Variants in ANKRD55 observed in about 807,000 individuals in gnomAD.
ANKRD55 encodes ankyrin repeat domain 55.
A neutral mutation model predicts 60.6 loss-of-function variants in ANKRD55; 41 were observed. The ratio of observed to expected loss-of-function variants is 0.68; its 90% CI spans 0.53 to 0.88. The LOEUF is 0.88. Among genes scored for constraint, ANKRD55 ranks in the 40% least tolerant of loss-of-function variants. ANKRD55 has a pLI of 0.00. For synonymous variants in ANKRD55, 264 were observed against 290.3 expected (o/e 0.91, Z 0.92); for missense variants, 732 against 767.6 (o/e 0.95, Z 0.55).
At position 56,174,488 on chromosome 5, in the gene ANKRD55, G is replaced by A. The variant is rs1758693019; in HGVS notation, c.312+1664C>T. Among the ~76,000 whole-genome samples the A allele has an allele frequency of 2.6e-5, 4 of 152,112 alleles. No homozygotes were observed. In the South Asian group the frequency reaches 8.3e-4, roughly 32 times the overall value. On this transcript the variant is annotated intron_variant, in intron 4 of 11. Coordinates refer to ENST00000341048, the MANE Select transcript of ANKRD55 (RefSeq NM_024669.3). ...CTTAAGGCATGTGCTAGAAGGGAGG[G>A]GGCTAGGAGGACAGCCATATGTCTG... is the stretch of plus-strand genomic sequence containing the variant.
intron 8 of ANKRD55, among the ~76,000 whole-genome samples, chr5:56,125,241 T>C (rs914151854): frequency 2.0e-5 from 3 of 152,148 alleles, no homozygotes; most frequent in Non-Finnish European, 4.4e-5. Context: ...TTGCTTAGGA[T>C]CAACATCTGC....
intron 2 of ANKRD55, among the ~76,000 whole-genome samples, chr5:56,225,382 G>T (rs1760084361): frequency 1.3e-5 from 2 of 152,188 alleles, no homozygotes; most frequent in African/African-American, 4.8e-5. Flanking sequence ...ATATCATACT[G>T]AATGGACAAA....
rs1461873576 is a variant in ANKRD55, at chr5:56,176,271, A to C, written c.193T>G (p.Leu65Val). 1 of 1,614,202 alleles carries C rather than the reference A, an allele frequency of 6.2e-7. No homozygotes were observed. The highest frequency in any genetic ancestry group is 1.7e-5 in the Admixed American group (1 of 60,022). Residue 65 changes from leucine (L) to valine (V), a missense_variant, in exon 4 of 12, where the codon TTG (leucine) becomes GTG (valine). By Grantham distance (32) the Leu-to-Val change is conservative. Coordinates refer to ENST00000341048, the MANE Select transcript of ANKRD55 (RefSeq NM_024669.3). The part of the protein sequence containing the change: ...ECCDSEGCTP[L>V]MHAVSGRQAD... ...TGACGTCCAGAAACCGCATGCATCA[A>C]GGGCGTGCATCCTGGAATGAGACAT...
In ANKRD55 at chr5:56,165,367, G is replaced by C. The variant is rs140208440; in HGVS notation, c.422+5327C>G. 2.8e-4 allele frequency among the ~76,000 whole-genome samples: 42 copies of C among 152,310 alleles called. 1 individual carries two copies. The highest frequency in any genetic ancestry group is 2.7e-3 in the Admixed American group (41 of 15,304). On this transcript the variant is annotated intron_variant, in intron 5 of 11. Transcript: ENST00000341048. The stretch of plus-strand genomic sequence containing the variant: ...TTTTTGTGGACCTGAGTGTGCTGAG[G>C]TGAAGAAGGCCAGGATGAGCACCAG...
rs1417128906 is a variant in ANKRD55, at chr5:56,176,264, T to C, written c.200A>G (p.His67Arg). The C allele has an allele frequency of 6.2e-7, 1 of 1,614,204 alleles. No homozygotes were observed. The highest frequency in any genetic ancestry group is 1.7e-5 in the Admixed American group (1 of 60,020). Residue 67 changes from histidine to arginine, a missense_variant, in exon 4 of 12, where the codon CAT becomes CGT. Physicochemically the swap from His to Arg is conservative, Grantham distance 29 (BLOSUM62 0). Transcript: ENST00000341048. ...GTCCGCTTGACGTCCAGAAACCGCA[T>C]GCATCAAGGGCGTGCATCCTGGAAT... Reference protein sequence around the residue: ...CDSEGCTPLMHAVSGRQADTV... With the variant: ...CDSEGCTPLMRAVSGRQADTV...
intron 6 of ANKRD55, among the ~76,000 whole-genome samples, chr5:56,152,665 A>T (rs1758085654): frequency 6.6e-6 from 1 of 152,232 alleles, no homozygotes; most frequent in Non-Finnish European, 1.5e-5. Context: ...AGCACAAAGG[A>T]CAATCTGACC....
intron 2 of ANKRD55, among the ~76,000 whole-genome samples, chr5:56,186,880 G>A (rs1758986378): frequency 6.6e-6 from 1 of 152,200 alleles, no homozygotes; most frequent in Non-Finnish European, 1.5e-5. Context: ...AAAGATGCTG[G>A]TGGTATCACT....
At position 56,111,785 on chromosome 5, in the gene ANKRD55, A is replaced by T; in HGVS notation, c.966-3T>A. On this transcript the variant is annotated splice_region_variant and splice_polypyrimidine_tract_variant and intron_variant, in intron 9 of 11. Transcript: ENST00000341048. ...GAGGGGGTCGAGTAGGCTCTGTTCT[A>T]TGCGAATATAAAAGAGCAGGGATGA... is the stretch of plus-strand genomic sequence containing the variant. 1.3e-6 allele frequency: 2 copies of T among 1,489,552 alleles called. No homozygotes were observed. The highest frequency in any genetic ancestry group is 1.8e-6 in the Non-Finnish European group (2 of 1,123,982). The allele number at this position is 1,489,552 out of a possible 1,614,324, so 92.3% of individuals were successfully genotyped here. A position where few individuals can be genotyped will look rare whatever the true frequency, so the allele number is the denominator to read the frequency against.
At chr5:56,147,724 T>C (rs1037278226) in intron 6 of ANKRD55, among the ~76,000 whole-genome samples, 1 of 152,194 alleles carries the variant, frequency 6.6e-6, no homozygotes, top group Non-Finnish European at 1.5e-5. Flanking sequence ...CGCTTTTTTT[T>C]CTTTTTCTTT....
chr5:56,109,479 G>A lies in ANKRD55; in HGVS notation c.1630+1639C>T, dbSNP rs150379208. Among the ~76,000 whole-genome samples, 123 of 151,696 alleles carry A rather than the reference G, an allele frequency of 8.1e-4. 2 individuals are homozygous for A. In the East Asian group the frequency reaches 0.019, roughly 24 times the overall value. On this transcript the variant is annotated intron_variant, in intron 10 of 11. Coordinates refer to ENST00000341048, the MANE Select transcript of ANKRD55 (RefSeq NM_024669.3). Reference sequence around the variant, plus strand: ...GGTACTGTGGCACCGAACAGGTTTCGGAAGCTGTTTTGCAGCCTCTGCTTT... The same window carrying A: ...GGTACTGTGGCACCGAACAGGTTTCAGAAGCTGTTTTGCAGCCTCTGCTTT...
intron 8 of ANKRD55, among the ~76,000 whole-genome samples, chr5:56,118,554 G>A (rs1756945924): frequency 6.6e-6 from 1 of 151,962 alleles, no homozygotes; most frequent in African/African-American, 2.4e-5. Flanking sequence ...AACCGGGGAG[G>A]CAGAGCTTGC....
intron 7 of ANKRD55, among the ~76,000 whole-genome samples, chr5:56,135,290 G>GCTTTCTTTCTTTCTTTCTTTCTTT (rs753607878): frequency 1.4e-5 from 1 of 69,302 alleles, no homozygotes; most frequent in Non-Finnish European, 3.0e-5. Context: ...CTGCCTGCCT[G>GCTTTCTTTCTTTCTTTCTTTCTTT]CTTGCTTTCT....
chr5:56,202,153 G>A (rs542421619), intron 2 of ANKRD55, among the ~76,000 whole-genome samples: 14 of 152,166 alleles, frequency 9.2e-5, no homozygotes, highest in Non-Finnish European at 1.8e-4. Flanking sequence ...AGAGGGGGTG[G>A]TGTGGGGAGA....
At chr5:56,205,047 C>T (rs1759466151) in intron 2 of ANKRD55, among the ~76,000 whole-genome samples, 1 of 144,416 alleles carries the variant, frequency 6.9e-6, no homozygotes, top group African/African-American at 2.8e-5. Context: ...AGAGTTTAGA[C>T]TTGTTTTCTT....
chr5:56,185,269 G>A (rs975860357), intron 2 of ANKRD55, among the ~76,000 whole-genome samples: 3 of 152,034 alleles, frequency 2.0e-5, no homozygotes, highest in South Asian at 4.2e-4. Context: ...AGTGGAGAAC[G>A]GGGAGGACTG....
chr5:56,232,535 ATAGT>A (rs1279710062), intron 2 of ANKRD55, among the ~76,000 whole-genome samples: 3 of 152,238 alleles, frequency 2.0e-5, no homozygotes, highest in East Asian at 3.8e-4. Context: ...ACTATCTGAA[ATAGT>A]TGGTGTGCTT....
chr5:56,147,469 G>T lies in ANKRD55; in HGVS notation c.484-3540C>A, dbSNP rs376433548. 3.3e-5 allele frequency among the ~76,000 whole-genome samples: 5 copies of T among 152,244 alleles called. No individual in the cohort carries two copies. The East Asian group carries it at 9.7e-4, about 29-fold the overall frequency. ...CTATATTTTTGTTTCATTTGGCATT[G>T]CCTCAAGGGTCCTCCTGAAAGTGCA... On this transcript the variant is annotated intron_variant, in intron 6 of 11. Coordinates refer to ENST00000341048, the MANE Select transcript of ANKRD55 (RefSeq NM_024669.3).
At chr5:56,193,405 T>A (rs1382935926) in intron 2 of ANKRD55, 4 of 612,570 alleles carry the variant, frequency 6.5e-6, no homozygotes, top group African/African-American at 5.6e-5. Context: ...CTTTTGGTAC[T>A]GGAATTACAA....
intron 11 of ANKRD55, among the ~76,000 whole-genome samples, chr5:56,100,783 T>G (rs1036727200): frequency 6.6e-6 from 1 of 152,220 alleles, no homozygotes; most frequent in Non-Finnish European, 1.5e-5. Flanking sequence ...GAAACTTAAC[T>G]GTGAAAAGCA....
Sources: gnomAD v4.1 joint callset for allele counts (sites outside exome capture counted in the v4.1 genomes callset) on GRCh38, gnomAD v4.1.1 for gene constraint, MANE v1.5 for transcripts, NCBI Gene and HGNC (gene_info 2026-07-23, HGNC 2026-07-21) for gene names.